Variants in FSTL5 observed in about 807,000 individuals in gnomAD.
FSTL5 encodes the protein follistatin-related protein 5.
In FSTL5, 62 loss-of-function variants were observed where a neutral mutation model predicts 89.1. The ratio of observed to expected loss-of-function variants is 0.70; its 90% CI spans 0.57 to 0.86. The LOEUF (loss-of-function observed/expected upper bound fraction) is 0.86. Among genes scored for constraint, FSTL5 ranks in the 40% least tolerant of loss-of-function variants. FSTL5 has a pLI of 0.00. For missense variants in FSTL5, 1,057 were observed against 1,001.6 expected (o/e 1.06, Z -0.75); for synonymous variants, 383 against 346.2 (o/e 1.11, Z -1.18).
intron 3 of FSTL5, among the ~76,000 whole-genome samples, chr4:161,998,129 G>A (rs902825143): frequency 1.3e-5 from 2 of 152,038 alleles, no homozygotes; most frequent in African/African-American, 4.8e-5. Flanking sequence ...ATTTCTACAG[G>A]GTTCTATCTA....
intron 3 of FSTL5, among the ~76,000 whole-genome samples, chr4:161,968,984 C>CAA (rs1735405914): frequency 6.6e-6 from 1 of 151,256 alleles, no homozygotes; most frequent in Non-Finnish European, 1.5e-5. Context: ...CACACACACA[C>CAA]ACACACATGC....
intron 10 of FSTL5, among the ~76,000 whole-genome samples, chr4:161,519,718 T>C (rs1464141004): frequency 6.6e-6 from 1 of 152,174 alleles, no homozygotes; most frequent in Non-Finnish European, 1.5e-5. Context: ...ATTTTTTACA[T>C]AATAAATGAT....
intron 3 of FSTL5, among the ~76,000 whole-genome samples, chr4:161,972,353 C>G (rs561580261): frequency 2.0e-5 from 3 of 152,114 alleles, no homozygotes; most frequent in Non-Finnish European, 2.9e-5. Flanking sequence ...GGATTACAAG[C>G]GTGAGCCATC....
intron 4 of FSTL5, among the ~76,000 whole-genome samples, chr4:161,825,887 CT>C (rs1730652606): frequency 6.6e-6 from 1 of 151,768 alleles, no homozygotes; most frequent in African/African-American, 2.4e-5. Flanking sequence ...TTTAGTTCTG[CT>C]TTGATCTTCA....
rs138763457 is a variant in FSTL5 at position 161,872,856 on chromosome 4, T to C, written c.409+47548A>G. ...TATTTGAGAAACAATTAATTATATGTACATGTATGAATTTTGATGATTCTG... is the reference window on the plus strand; with the variant it reads ...TATTTGAGAAACAATTAATTATATGCACATGTATGAATTTTGATGATTCTG... On this transcript the variant is annotated intron_variant, in intron 4 of 15. Coordinates refer to ENST00000306100, the MANE Select transcript of FSTL5 (RefSeq NM_020116.5). Among the ~76,000 whole-genome samples the C allele has an allele frequency of 3.2e-3, 486 of 152,270 alleles. 7 individuals are homozygous for C. The highest frequency in any genetic ancestry group is 0.027 in the Admixed American group (419 of 15,292).
intron 15 of FSTL5, among the ~76,000 whole-genome samples, chr4:161,407,696 G>C (rs1731434194): frequency 8.3e-6 from 1 of 121,094 alleles, no homozygotes; most frequent in African/African-American, 3.0e-5. Context: ...TAACCTCCAG[G>C]GAGAAAGTAG....
chr4:161,588,329 C>A (rs1733689281), intron 7 of FSTL5, among the ~76,000 whole-genome samples: 1 of 151,906 alleles, frequency 6.6e-6, no homozygotes, highest in South Asian at 2.1e-4. Flanking sequence ...TATATATTTA[C>A]CAATAAAAAT....
At chr4:162,054,614 G>C (rs1409780918) in intron 2 of FSTL5, among the ~76,000 whole-genome samples, 1 of 151,806 alleles carries the variant, frequency 6.6e-6, no homozygotes, top group Non-Finnish European at 1.5e-5. Context: ...TGAAAATAAT[G>C]GAACAGATTT....
chr4:162,034,828 T>C (rs557017732), intron 2 of FSTL5, among the ~76,000 whole-genome samples: 1 of 152,280 alleles, frequency 6.6e-6, no homozygotes, highest in South Asian at 2.1e-4. Flanking sequence ...AAATGCATAA[T>C]GACAAATGTG....
intron 3 of FSTL5, among the ~76,000 whole-genome samples, chr4:161,992,413 T>C (rs1268579430): frequency 1.3e-5 from 2 of 151,748 alleles, no homozygotes; most frequent in African/African-American, 4.8e-5. Context: ...ATGTGATGAG[T>C]TAAAGAGAGG....
intron 6 of FSTL5, among the ~76,000 whole-genome samples, chr4:161,723,322 A>G (rs1424931899): frequency 1.3e-5 from 2 of 152,184 alleles, no homozygotes; most frequent in Admixed American, 6.5e-5. Context: ...TTCACTAACT[A>G]TAAATGTATT....
intron 3 of FSTL5, among the ~76,000 whole-genome samples, chr4:161,988,651 G>A (rs756047763): frequency 1.6e-4 from 25 of 152,112 alleles, no homozygotes; most frequent in East Asian, 5.8e-4. Flanking sequence ...ATGTATTTAC[G>A]CATATAATCC....
rs75747158 is a variant in FSTL5 at position 161,428,061 on chromosome 4, C to T, written c.1841+26943G>A. Among the ~76,000 whole-genome samples the T allele has an allele frequency of 3.5e-3, 538 of 152,188 alleles. 13 individuals carry two copies. The East Asian group carries it at 0.054, about 15-fold the overall frequency. On this transcript the variant is annotated intron_variant, in intron 15 of 15. Transcript: ENST00000306100. ...CAGCCACATGGCACAGAGAGAGAGT[C>T]GGTGTTCTTGGGAAAGGAGAGTGCA...
chr4:161,648,921 TAAG>T (rs1223087247), intron 7 of FSTL5, among the ~76,000 whole-genome samples: 1 of 152,148 alleles, frequency 6.6e-6, no homozygotes, highest in East Asian at 1.9e-4. Context: ...GGACAAAAAC[TAAG>T]AAGAACATGT....
intron 3 of FSTL5, among the ~76,000 whole-genome samples, chr4:161,928,839 T>C (rs992638275): frequency 1.3e-5 from 2 of 151,808 alleles, no homozygotes; most frequent in Non-Finnish European, 2.9e-5. Context: ...TCCCAATCTG[T>C]AGCATGTCTT....
chr4:161,796,759 T>C (rs1729643694), intron 4 of FSTL5, among the ~76,000 whole-genome samples: 2 of 151,714 alleles, frequency 1.3e-5, no homozygotes, highest in Non-Finnish European at 3.0e-5. Flanking sequence ...ATTATAGAAA[T>C]ACATGCTATT....
chr4:161,479,742 T>C (rs1174289508), intron 13 of FSTL5, among the ~76,000 whole-genome samples: 3 of 152,186 alleles, frequency 2.0e-5, no homozygotes, highest in Non-Finnish European at 2.9e-5. Context: ...TTCTTCCTTT[T>C]ACTCATGGTT....
chr4:161,950,634 T>C (rs1734866697), intron 3 of FSTL5, among the ~76,000 whole-genome samples: 1 of 152,160 alleles, frequency 6.6e-6, no homozygotes, highest in African/African-American at 2.4e-5. Context: ...TTCAGTGTTC[T>C]GAAACCACAG....
intron 3 of FSTL5, among the ~76,000 whole-genome samples, chr4:161,961,534 TATATATAC>T (rs891214632): frequency 2.0e-5 from 3 of 150,672 alleles, no homozygotes; most frequent in Non-Finnish European, 4.4e-5. Flanking sequence ...AATATATATA[TATATATAC>T]ATATACATAT....
Sources: allele counts gnomAD v4.1 joint callset (sites outside exome capture counted in the v4.1 genomes callset), GRCh38; gene constraint gnomAD v4.1.1; transcripts MANE v1.5; gene names NCBI Gene and HGNC (gene_info 2026-07-23, HGNC 2026-07-21).